Variants in SMARCA4 observed in about 807,000 individuals in gnomAD.
SMARCA4 encodes SWI/SNF-related matrix-associated actin-dependent regulator of chromatin subfamily A member 4.
Under a neutral mutation model 193.9 loss-of-function variants are expected in SMARCA4, and 31 were observed. That is an observed-to-expected ratio of 0.16 (90% CI 0.12 to 0.22). SMARCA4 has a LOEUF of 0.22. Ranked by LOEUF, SMARCA4 falls within the 10% of genes least tolerant of loss-of-function variation. The pLI, the probability that SMARCA4 is intolerant of heterozygous loss-of-function variation, is 1.00. For missense variants in SMARCA4, 1,148 were observed against 2,296.0 expected, an observed-to-expected ratio of 0.50 and a Z score of 10.22; for synonymous variants, 942 against 933.1, an observed-to-expected ratio of 1.01 and a Z score of -0.17.
intron 34 of SMARCA4, 80 bp downstream of exon 34, chr19:11,060,267 G>T: frequency 6.6e-7 from 1 of 1,510,584 alleles, no homozygotes; most frequent in Non-Finnish European, 9.0e-7. Context: ...GCCCTGTGGG[G>T]CGGTGCTCCC....
intron 20 of SMARCA4, 57 bp from the exon 21 acceptor site, chr19:11,024,274 G>C (rs2090089336): frequency 2.5e-6 from 3 of 1,214,108 alleles, no homozygotes; most frequent in African/African-American, 1.5e-5. Flanking sequence ...GTTCGGATGG[G>C]GGGAGTCAGG....
chr19:10,992,435 T>A (rs1268580492), intron 8 of SMARCA4, among the ~76,000 whole-genome samples: 1 of 149,886 alleles, frequency 6.7e-6, no homozygotes, highest in Non-Finnish European at 1.5e-5. Flanking sequence ...TTTTTTTTTT[T>A]TTTTTTGAGA....
Position 11,030,676 on chromosome 19 carries a change from C to T in SMARCA4, c.3383-54C>T, listed in dbSNP as rs2146594990. On this transcript the variant is annotated intron_variant, in intron 24 of 34. Coordinates refer to ENST00000344626, the MANE Select transcript of SMARCA4 (RefSeq NM_003072.5). This position sits in a 1 kb window ranked among gnomAD's most constrained non-coding sequence, Gnocchi z 5.5. ...CAGAAGCAGGTGTTCCTTGGTGTCC[C>T]CACTCTACCCCTGAGGTCACCCCGC... The T allele has an allele frequency of 6.5e-7, 1 of 1,537,994 alleles. No individual in the cohort carries two copies. The highest frequency in any genetic ancestry group is 1.2e-5 in the South Asian group (1 of 86,160).
intron 20 of SMARCA4, 73 bp downstream of exon 20, chr19:11,023,704 C>G (rs1449682816): frequency 3.3e-6 from 3 of 910,706 alleles, no homozygotes; most frequent in Non-Finnish European, 5.3e-6. Flanking sequence ...TGGGCGTGCT[C>G]AGGGCCTCTC....
chr19:10,988,044 T>A (rs2086221494), intron 6 of SMARCA4, 120 bp downstream of exon 6: 3 of 1,020,352 alleles, frequency 2.9e-6, no homozygotes, highest in Non-Finnish European at 4.4e-6. Context: ...CACTGCCACT[T>A]GGCCTACACC....
At chr19:10,999,824 G>A (rs1176493351) in intron 11 of SMARCA4, among the ~76,000 whole-genome samples, 1 of 152,206 alleles carries the variant, frequency 6.6e-6, no homozygotes, top group African/African-American at 2.4e-5. Flanking sequence ...TACACAGAAA[G>A]TACGTTCCAA....
At chr19:10,996,175 T>A in intron 9 of SMARCA4, 38 bp from the exon 10 acceptor site, 1 of 1,611,132 alleles carries the variant, frequency 6.2e-7, no homozygotes, top group African/African-American at 1.3e-5. Context: ...ACATGCACAT[T>A]GTGCCACCAC....
Position 11,019,362 on chromosome 19 carries a change from C to A in SMARCA4, c.2506-229C>A. On this transcript the variant is annotated intron_variant, in intron 17 of 34. Transcript: ENST00000344626. The surrounding 1 kb of genome is among the most constrained non-coding windows in gnomAD (Gnocchi z 6.1). ...GTGCAGGCTGCGTGGTTCCCTCAGG[C>A]CCCGGCCGCCGCTGGCCTGCACTGC... The A allele has an allele frequency of 1.6e-6, 1 of 607,044 alleles. No individual in the cohort carries two copies. The highest frequency in any genetic ancestry group is 1.9e-5 in the South Asian group (1 of 51,566). 37.6% of individuals were successfully genotyped at this position (607,044 alleles called of 1,614,324 possible). A position where few individuals can be genotyped will look rare whatever the true frequency, so the allele number is the denominator to read the frequency against.
In SMARCA4 at chr19:11,010,354, T is replaced by C. The variant is rs73923298; in HGVS notation, c.2124-27T>C. On this transcript the variant is annotated intron_variant, in intron 14 of 34. Coordinates refer to ENST00000344626, the MANE Select transcript of SMARCA4 (RefSeq NM_003072.5). Reference sequence around the variant, plus strand: ...TGTCACAGATAGGAATGTGTGTCCTTACCCGGCACCTCCATCTCACTCCCA... The same window carrying C: ...TGTCACAGATAGGAATGTGTGTCCTCACCCGGCACCTCCATCTCACTCCCA... 978 of 1,613,220 alleles carry C rather than the reference T, an allele frequency of 6.1e-4. 9 individuals are homozygous for C. In the African/African-American group the frequency reaches 0.011, roughly 19 times the overall value.
At chr19:11,018,197 C>T (rs2089538532) in intron 16 of SMARCA4, 1 of 160,902 alleles carries the variant, frequency 6.2e-6, no homozygotes, top group Admixed American at 5.7e-5. Flanking sequence ...ACCACCCCGT[C>T]TAGACTTTCT....
At chr19:11,042,471 C>T (rs928169011) in intron 30 of SMARCA4, among the ~76,000 whole-genome samples, 2 of 152,228 alleles carry the variant, frequency 1.3e-5, no homozygotes, top group Non-Finnish European at 2.9e-5. Flanking sequence ...TATTTCACTT[C>T]CTGGTACACA....
chr19:10,992,067 T>C (rs912204166), intron 8 of SMARCA4, among the ~76,000 whole-genome samples: 1 of 152,062 alleles, frequency 6.6e-6, no homozygotes, highest in Non-Finnish European at 1.5e-5. Flanking sequence ...ATCTTATTGG[T>C]GTAGTGTAAA....
intron 29 of SMARCA4, chr19:11,039,748 A>C: frequency 2.6e-6 from 1 of 388,320 alleles, no homozygotes; most frequent in Non-Finnish European, 4.5e-6. Flanking sequence ...CAGGAGTTAA[A>C]GTCCAACCAG....
rs1568511423 is a variant in SMARCA4, at chr19:11,034,007, C to T, written c.3874-116C>T. ...CGCTGCCGTGTGGGTCCCCATCCAC[C>T]GCAGCCGTGCCGGGACCACCAGCTC... On this transcript the variant is annotated intron_variant, in intron 27 of 34. Coordinates refer to ENST00000344626, the MANE Select transcript of SMARCA4 (RefSeq NM_003072.5). This position sits in a 1 kb window ranked among gnomAD's most constrained non-coding sequence, Gnocchi z 7.0. 4.9e-6 allele frequency: 4 copies of T among 814,352 alleles called. No homozygotes were observed. The highest frequency in any genetic ancestry group is 2.4e-5 in the East Asian group (1 of 40,828). The allele number at this position is 814,352 out of a possible 1,614,324, so 50.4% of individuals were successfully genotyped here. A position where few individuals can be genotyped will look rare whatever the true frequency, so the allele number is the denominator to read the frequency against.
intron 1 of SMARCA4, among the ~76,000 whole-genome samples, chr19:10,972,896 C>G (rs2084795973): frequency 6.6e-6 from 1 of 152,170 alleles, no homozygotes; most frequent in East Asian, 1.9e-4. Flanking sequence ...GGATCATCGG[C>G]TCAGGAGTTT....
Position 11,030,680 on chromosome 19 carries a change from T to C in SMARCA4, c.3383-50T>C. 1 of 1,563,102 alleles carries C rather than the reference T, an allele frequency of 6.4e-7. No individual in the cohort carries two copies. The highest frequency in any genetic ancestry group is 8.7e-7 in the Non-Finnish European group (1 of 1,146,774). On this transcript the variant is annotated intron_variant, in intron 24 of 34. Transcript: ENST00000344626. The surrounding 1 kb of genome is among the most constrained non-coding windows in gnomAD (Gnocchi z 5.5). ...AGCAGGTGTTCCTTGGTGTCCCCAC[T>C]CTACCCCTGAGGTCACCCCGCTGAC... is the stretch of plus-strand genomic sequence containing the variant.
At chr19:11,047,461 TGCAGTG>T (rs2076008531) in intron 30 of SMARCA4, 1 of 149,994 alleles carries the variant, frequency 6.7e-6, no homozygotes, top group Non-Finnish European at 1.5e-5. Flanking sequence ...CAGGCTGGAG[TGCAGTG>T]GCACTATCTT....
At chr19:11,005,008 G>T (rs1386522681) in intron 13 of SMARCA4, among the ~76,000 whole-genome samples, 1 of 151,654 alleles carries the variant, frequency 6.6e-6, no homozygotes, top group Non-Finnish European at 1.5e-5. Context: ...ATTTTTTTTT[G>T]TATTTTTAGT....
chr19:11,002,499 A>G (rs1252432845), intron 11 of SMARCA4, among the ~76,000 whole-genome samples: 2 of 148,592 alleles, frequency 1.3e-5, no homozygotes, highest in Non-Finnish European at 3.0e-5. Context: ...ATAAATAAAA[A>G]TAAAAAATAA....
Sources: gnomAD v4.1 joint callset for allele counts (sites outside exome capture counted in the v4.1 genomes callset) on GRCh38, gnomAD v4.1.1 for gene constraint, Gnocchi (gnomAD v3.1) non-coding constraint, MANE v1.5 for transcripts, NCBI Gene and HGNC (gene_info 2026-07-23, HGNC 2026-07-21) for gene names.